Variants in COL16A1 observed in about 807,000 individuals in gnomAD.
COL16A1 encodes the protein collagen alpha-1(XVI) chain.
A neutral mutation model predicts 266.3 loss-of-function variants in COL16A1; 189 were observed. That is an observed-to-expected ratio of 0.71 (90% CI 0.63 to 0.80). The LOEUF (loss-of-function observed/expected upper bound fraction) is 0.80. Ranked by LOEUF, COL16A1 falls within the 30% of genes least tolerant of loss-of-function variation. The pLI, the probability that COL16A1 is intolerant of heterozygous loss-of-function variation, is 0.00. For synonymous variants in COL16A1, 740 were observed against 782.3 expected (o/e 0.95, Z 0.90); for missense variants, 1,928 against 2,122.4 (o/e 0.91, Z 1.80).
At chr1:31,681,897 G>A (rs1392602862) in intron 37 of COL16A1, among the ~76,000 whole-genome samples, 1 of 152,236 alleles carries the variant, frequency 6.6e-6, no homozygotes, top group East Asian at 1.9e-4. Context: ...GACCGGCTGT[G>A]TGGGCTTGGG....
At position 31,656,609 on chromosome 1, in the gene COL16A1, G is replaced by T. The variant is rs546238121; in HGVS notation, c.4057-165C>A. On this transcript the variant is annotated intron_variant, in intron 65 of 70. Transcript: ENST00000373672. This position sits in a 1 kb window ranked among gnomAD's most constrained non-coding sequence, Gnocchi z 4.2. ...GCAGCCTCCCTGCCCAGCTGGAAGG[G>T]AAAATAATGTCCTCTGGGGCATGGC... Among the ~76,000 whole-genome samples, 1 of 152,280 alleles carries T rather than the reference G, an allele frequency of 6.6e-6. No individual in the cohort carries two copies. The highest frequency in any genetic ancestry group is 2.1e-4 in the South Asian group (1 of 4,826).
At chr1:31,683,880 C>G (rs1198939385) in intron 33 of COL16A1, 70 bp downstream of exon 33, 1 of 1,610,338 alleles carries the variant, frequency 6.2e-7, no homozygotes, top group Non-Finnish European at 8.5e-7. Context: ...GCCCACTGCC[C>G]CCATGGATCT....
Position 31,698,650 on chromosome 1 carries a change from C to T in COL16A1, c.267-44G>A. On this transcript the variant is annotated intron_variant, in intron 4 of 70. Coordinates refer to ENST00000373672, the MANE Select transcript of COL16A1 (RefSeq NM_001856.4). The surrounding 1 kb of genome is among the most constrained non-coding windows in gnomAD (Gnocchi z 4.1). ...GGGTGCCCTGAGGCTCCAATGAGGA[C>T]CCAAATGCTGCCCACCCTGAGCCCT... is the stretch of plus-strand genomic sequence containing the variant. 1 of 1,606,276 alleles carries T rather than the reference C, an allele frequency of 6.2e-7. No individual in the cohort carries two copies. The highest frequency in any genetic ancestry group is 1.1e-5 in the South Asian group (1 of 90,278).
Position 31,692,058 on chromosome 1 carries a change from C to T in COL16A1, c.1204G>A (p.Gly402Ser). The change falls in exon 17 of 71, where the codon GGC (glycine) becomes AGC (serine). Residue 402 changes from glycine to serine, a missense_variant. Gly to Ser is a moderately conservative substitution (Grantham distance 56). Coordinates refer to ENST00000373672, the MANE Select transcript of COL16A1 (RefSeq NM_001856.4). ...PGSTGEKGQK[G>S]EKGDGGIKGV... ...TTGATGCCTCCGTCGCCCTTCTCGCCTTTCTGGCCCTGGGGAAGGAAGAAG... is the reference window on the plus strand; with the variant it reads ...TTGATGCCTCCGTCGCCCTTCTCGCTTTTCTGGCCCTGGGGAAGGAAGAAG... The T allele has an allele frequency of 6.2e-7, 1 of 1,613,846 alleles. No individual in the cohort carries two copies. Among genetic ancestry groups the T allele is most frequent in the Non-Finnish European group, 8.5e-7 (1 of 1,180,010 alleles).
chr1:31,692,152 C>T (rs1644299873), intron 16 of COL16A1, 85 bp from the exon 17 acceptor site: 30 of 1,588,850 alleles, frequency 1.9e-5, no homozygotes, highest in Non-Finnish European at 2.6e-5. Flanking sequence ...GGACAACTGC[C>T]TTCTAGACCC....
At chr1:31,667,662 C>A (rs754212491) in intron 51 of COL16A1, 34 bp from the exon 52 acceptor site, 2 of 1,581,882 alleles carry the variant, frequency 1.3e-6, no homozygotes, top group Non-Finnish European at 1.7e-6. Flanking sequence ...GGAATTAGCC[C>A]CACAGAATTA....
At position 31,662,614 on chromosome 1, in the gene COL16A1, A is replaced by T; in HGVS notation, c.3600T>A (p.Pro1200=). The change falls in exon 57 of 71, where the codon CCT becomes CCA. Residue 1200 remains proline (P), a synonymous_variant. Coordinates refer to ENST00000373672, the MANE Select transcript of COL16A1 (RefSeq NM_001856.4). ...IRGPSGLPGS[P]GPPGPPGIQG... ...GAATCCCAGGAGGTCCCGGTGGCCC[A>T]GGGGAGCCAGGCAGGCCTGATGGGC... 1 of 1,561,702 alleles carries T rather than the reference A, an allele frequency of 6.4e-7. No individual in the cohort carries two copies. The highest frequency in any genetic ancestry group is 8.7e-7 in the Non-Finnish European group (1 of 1,153,288).
chr1:31,675,228 C>A (rs1289557414), intron 43 of COL16A1, 30 bp downstream of exon 43: 1 of 1,614,140 alleles, frequency 6.2e-7, no homozygotes. Flanking sequence ...AGGGAAGGGG[C>A]ATGCACAGGG....
At chr1:31,684,332 C>G (rs1258227512) in intron 31 of COL16A1, 101 bp from the exon 32 acceptor site, 2 of 1,445,884 alleles carry the variant, frequency 1.4e-6, no homozygotes, top group African/African-American at 2.9e-5. Flanking sequence ...TGAATGCTCC[C>G]ACGTCAGCCT....
chr1:31,699,483 C>T lies in COL16A1; in HGVS notation c.266+330G>A, dbSNP rs117263189. ...CTTCACACACATGGGTGCACACACACGCATGTGCGCACACACACACATGCA... is the reference window on the plus strand; with the variant it reads ...CTTCACACACATGGGTGCACACACATGCATGTGCGCACACACACACATGCA... On this transcript the variant is annotated intron_variant, in intron 4 of 70. Transcript: ENST00000373672. Among the ~76,000 whole-genome samples, 89 of 152,304 alleles carry T rather than the reference C, an allele frequency of 5.8e-4. 1 individual carries two copies. The East Asian group carries it at 0.012, about 21-fold the overall frequency.
intron 70 of COL16A1, 132 bp downstream of exon 70, chr1:31,653,467 G>C: frequency 9.2e-7 from 1 of 1,083,296 alleles, no homozygotes; most frequent in African/African-American, 1.6e-5. Flanking sequence ...TGCACACAGT[G>C]GCATTCCTAT....
At position 31,689,746 on chromosome 1, in the gene COL16A1, C is replaced by G. The variant is rs891792260; in HGVS notation, c.1615G>C (p.Ala539Pro). Residue 539 changes from alanine (A) to proline (P), a missense_variant, in exon 23 of 71, where the codon GCC (alanine) becomes CCC (proline). Physicochemically the swap from Ala to Pro is conservative, Grantham distance 27. Coordinates refer to ENST00000373672, the MANE Select transcript of COL16A1 (RefSeq NM_001856.4). ...PKGEPGDPVPARGDPGIQGIK... is the reference protein window; with the variant it reads ...PKGEPGDPVPPRGDPGIQGIK... ...TGGTCACCCTGGGCACTCACCCTGG[C>G]TGGTACAGGATCACCAGGCTCCCCT... is the stretch of plus-strand genomic sequence containing the variant. 6.2e-7 allele frequency: 1 copy of G among 1,613,752 alleles called. No individual in the cohort carries two copies. Among genetic ancestry groups the G allele is most frequent in the African/African-American group, 1.3e-5 (1 of 74,932 alleles).
chr1:31,663,929 G>T lies in COL16A1; in HGVS notation c.3555+1243C>A, dbSNP rs1436576989. On this transcript the variant is annotated intron_variant, in intron 56 of 70. Coordinates refer to ENST00000373672, the MANE Select transcript of COL16A1 (RefSeq NM_001856.4). The surrounding 1 kb of genome is among the most constrained non-coding windows in gnomAD (Gnocchi z 4.9). The stretch of plus-strand genomic sequence containing the variant: ...GGGTGGCTGCCCTGGATCAGTGGCT[G>T]TAGGGTGGTCAAGGGAAGGAATCCC... Among the ~76,000 whole-genome samples, 1 of 152,122 alleles carries T rather than the reference G, an allele frequency of 6.6e-6. No homozygotes were observed. The highest frequency in any genetic ancestry group is 1.5e-5 in the Non-Finnish European group (1 of 68,012).
At chr1:31,700,658 A>G (rs1225879146) in intron 2 of COL16A1, among the ~76,000 whole-genome samples, 1 of 152,202 alleles carries the variant, frequency 6.6e-6, no homozygotes, top group Non-Finnish European at 1.5e-5. Context: ...GAGGGATGAC[A>G]TGTGCAGCTG....
rs1640738690 is a variant in COL16A1, at chr1:31,652,774, C to T, written c.4692G>A (p.Gly1564=). Residue 1564 remains glycine, a synonymous_variant, in exon 71 of 71, where the codon GGG becomes GGA. Coordinates refer to ENST00000373672, the MANE Select transcript of COL16A1 (RefSeq NM_001856.4). This position sits in a 1 kb window ranked among gnomAD's most constrained non-coding sequence, Gnocchi z 4.8. The part of the protein sequence containing the change: ...MGQQGIPGIP[G]PPGPMGQPGK... ...CTGGCTGGCCCATGGGACCCGGGGG[C>T]CCAGGGATGCCAGGGATGCCTTGCT... 1 of 1,598,756 alleles carries T rather than the reference C, an allele frequency of 6.3e-7. No individual in the cohort carries two copies. The highest frequency in any genetic ancestry group is 1.1e-5 in the South Asian group (1 of 88,566).
intron 8 of COL16A1, 146 bp downstream of exon 8, chr1:31,696,817 G>T: frequency 1.5e-6 from 2 of 1,333,274 alleles, no homozygotes; most frequent in Non-Finnish European, 2.0e-6. Context: ...ATTTAGGGGT[G>T]GCGTACAAAT....
intron 8 of COL16A1, 113 bp downstream of exon 8, chr1:31,696,850 C>T: frequency 6.5e-7 from 1 of 1,544,402 alleles, no homozygotes; most frequent in South Asian, 1.2e-5. Context: ...CAGTGCCCCT[C>T]CTGCCCTGGG....
chr1:31,677,813 G>A (rs1161983943), intron 42 of COL16A1, among the ~76,000 whole-genome samples: 2 of 152,198 alleles, frequency 1.3e-5, no homozygotes, highest in African/African-American at 4.8e-5. Context: ...TCAAGCACTG[G>A]CACTAGGTAA....
At chr1:31,660,502 G>T (rs770205120) in intron 62 of COL16A1, 83 bp downstream of exon 62, 3 of 1,572,144 alleles carry the variant, frequency 1.9e-6, no homozygotes, top group Admixed American at 1.7e-5. Context: ...AGTTCTCTCA[G>T]GTCATGACAG....
Sources: allele counts gnomAD v4.1 joint callset (sites outside exome capture counted in the v4.1 genomes callset), GRCh38; gene constraint gnomAD v4.1.1; non-coding constraint Gnocchi (gnomAD v3.1); transcripts MANE v1.5; gene names NCBI Gene and HGNC (gene_info 2026-07-23, HGNC 2026-07-21).